Variants in ZNF143 observed in about 807,000 individuals in gnomAD.
ZNF143 encodes zinc finger protein 143, also known as SPH-binding factor.
ZNF143 carries 49 observed loss-of-function variants against 74.1 expected under a neutral mutation model. The ratio of observed to expected loss-of-function variants is 0.66; its 90% confidence interval spans 0.53 to 0.84. The LOEUF (loss-of-function observed/expected upper bound fraction) is 0.84. ZNF143 is among the 40% of genes least tolerant of loss of function. The probability of loss-of-function intolerance (pLI) is 0.00; values close to 1 mark genes in which losing one functional copy is unlikely to be tolerated. For missense variants in ZNF143, 637 were observed against 793.4 expected (o/e 0.80, Z 2.37); for synonymous variants, 304 against 282.8 (o/e 1.07, Z -0.75).
In ZNF143 at chr11:9,508,740, G is replaced by A. The variant is rs1300519170; in HGVS notation, c.1269G>A (p.Gly423=). Residue 423 remains glycine, a synonymous_variant, in exon 12 of 16, where the codon GGG becomes GGA. Coordinates refer to ENST00000396602, the MANE Select transcript of ZNF143 (RefSeq NM_003442.6). ...AACCTTACAACTGTAACCACTGTGG[G>A]AAGACATACAAGCAGATCTCCACGC... ...HSKPYNCNHC[G]KTYKQISTLA... is the part of the protein sequence containing the mutation. 1 of 1,613,840 alleles carries A rather than the reference G, an allele frequency of 6.2e-7. No homozygotes were observed. The highest frequency in any genetic ancestry group is 1.7e-5 in the Admixed American group (1 of 59,974).
At chr11:9,479,300 C>T (rs1419406689) in intron 6 of ZNF143, among the ~76,000 whole-genome samples, 172 bp from the exon 7 acceptor site, 1 of 152,078 alleles carries the variant, frequency 6.6e-6, no homozygotes, top group African/African-American at 2.4e-5. Context: ...CCACCATGCC[C>T]AGCCTATTAT....
Position 9,467,018 on chromosome 11 carries a change from G to T in ZNF143, c.-7-4284G>T, listed in dbSNP as rs371691864. The stretch of plus-strand genomic sequence containing the variant: ...ACGCCATTCTCCTGCCTCAGCCTCC[G>T]GAGTAGCTGGGACTACAGGTGCATG... On this transcript the variant is annotated intron_variant, in intron 1 of 15. Coordinates refer to ENST00000396602, the MANE Select transcript of ZNF143 (RefSeq NM_003442.6). 2.6e-3 allele frequency among the ~76,000 whole-genome samples: 395 copies of T among 149,672 alleles called. 1 individual carries two copies. The highest frequency in any genetic ancestry group is 9.4e-3 in the African/African-American group (381 of 40,706).
rs188056989 is a variant in ZNF143, at chr11:9,510,488, A to G, written c.1375+1642A>G. Among the ~76,000 whole-genome samples the G allele has an allele frequency of 8.6e-4, 131 of 152,280 alleles. 3 individuals carry two copies. The East Asian group carries it at 0.02, about 23-fold the overall frequency. ...TAATATACATTTTATTTAAAAACAA[A>G]ACTAAACTAAGATTGTTTTTCCAAG... On this transcript the variant is annotated intron_variant, in intron 12 of 15. Coordinates refer to ENST00000396602, the MANE Select transcript of ZNF143 (RefSeq NM_003442.6).
At chr11:9,468,365 T>G (rs892746941) in intron 1 of ZNF143, among the ~76,000 whole-genome samples, 1 of 152,256 alleles carries the variant, frequency 6.6e-6, no homozygotes, top group Non-Finnish European at 1.5e-5. Flanking sequence ...ACAGGTATTT[T>G]TAGCTTTAAG....
At chr11:9,511,989 G>T (rs11042400) in intron 12 of ZNF143, among the ~76,000 whole-genome samples, 16,609 of 150,352 alleles carry the variant, frequency 0.11, 1,130 homozygotes, top group Non-Finnish European at 0.15. Flanking sequence ...CTGACCTCGT[G>T]ATCCACCCAC....
At position 9,516,375 on chromosome 11, in the gene ZNF143, T is replaced by C. The variant is rs770066454; in HGVS notation, c.1686+13T>C. 1.9e-6 allele frequency: 3 copies of C among 1,597,724 alleles called. No individual in the cohort carries two copies. The Admixed American group carries it at 5.2e-5, about 27-fold the overall frequency. On this transcript the variant is annotated intron_variant, in intron 14 of 15. Coordinates refer to ENST00000396602, the MANE Select transcript of ZNF143 (RefSeq NM_003442.6). ...AGAAGGGGAACAGGTAATTACTTTT[T>C]TCTGTTATGTCAATCAATACATATA... is the stretch of plus-strand genomic sequence containing the variant.
chr11:9,487,594 T>A (rs1417387237), intron 7 of ZNF143, among the ~76,000 whole-genome samples: 1 of 151,878 alleles, frequency 6.6e-6, no homozygotes, highest in African/African-American at 2.4e-5. Flanking sequence ...CCTGACCTCA[T>A]GATCCGCCTG....
At chr11:9,477,323 C>T (rs1221687506) in intron 5 of ZNF143, among the ~76,000 whole-genome samples, 1 of 151,196 alleles carries the variant, frequency 6.6e-6, no homozygotes, top group Non-Finnish European at 1.5e-5. Context: ...GGTGCAATCT[C>T]GGCTCACTGC....
intron 14 of ZNF143, among the ~76,000 whole-genome samples, chr11:9,520,025 A>ATTTTTTTTTTTTTTTTTTTT (rs954404348): frequency 3.3e-5 from 3 of 91,382 alleles, no homozygotes; most frequent in East Asian, 3.2e-4. Flanking sequence ...GTTTCCACCA[A>ATTTTTTTTTTTTTTTTTTTT]TTTTTTTTTT....
At chr11:9,516,581 G>C (rs1848731320) in intron 14 of ZNF143, among the ~76,000 whole-genome samples, 1 of 152,102 alleles carries the variant, frequency 6.6e-6, no homozygotes, top group Non-Finnish European at 1.5e-5. Context: ...GATTGAATGA[G>C]ATAATGTATA....
rs150284799 is a variant in ZNF143 at position 9,515,300 on chromosome 11, G to C, written c.1525-901G>C. ...TGGATTCTCGTAGAAATTCAGATGG[G>C]AGAAAAATAAGGATCTAAATTAGCA... On this transcript the variant is annotated intron_variant, in intron 13 of 15. Coordinates refer to ENST00000396602, the MANE Select transcript of ZNF143 (RefSeq NM_003442.6). Among the ~76,000 whole-genome samples, 35 of 152,184 alleles carry C rather than the reference G, an allele frequency of 2.3e-4. No homozygotes were observed. In the East Asian group the frequency reaches 5.6e-3, roughly 24 times the overall value.
At chr11:9,486,343 ATATATATAT>A (rs1565038421) in intron 7 of ZNF143, among the ~76,000 whole-genome samples, 12 of 76,532 alleles carry the variant, frequency 1.6e-4, no homozygotes, top group Non-Finnish European at 3.0e-4. Context: ...TAATTATATT[ATATATATAT>A]TATATATATA....
chr11:9,524,935 G>A (rs1457429451), intron 14 of ZNF143, among the ~76,000 whole-genome samples: 6 of 152,160 alleles, frequency 3.9e-5, no homozygotes, highest in African/African-American at 1.4e-4. Context: ...AACTTCCCAA[G>A]CAGTCACTTA....
intron 14 of ZNF143, 106 bp from the exon 15 acceptor site, chr11:9,525,134 T>A: frequency 7.5e-7 from 1 of 1,341,552 alleles, no homozygotes; most frequent in Non-Finnish European, 1.0e-6. Context: ...GTCAGAGGAG[T>A]TTTTCCTTTT....
intron 12 of ZNF143, among the ~76,000 whole-genome samples, chr11:9,511,649 A>G (rs965161622): frequency 6.6e-6 from 1 of 151,314 alleles, no homozygotes; most frequent in Non-Finnish European, 1.5e-5. Context: ...TGTTGGTCAG[A>G]CTGGTCGCGA....
intron 1 of ZNF143, among the ~76,000 whole-genome samples, chr11:9,462,436 T>G (rs754726714): frequency 1.3e-5 from 2 of 152,042 alleles, no homozygotes; most frequent in Admixed American, 6.6e-5. Flanking sequence ...AATCAGCGTG[T>G]GCCTGTAGTC....
intron 3 of ZNF143, 114 bp from the exon 4 acceptor site, chr11:9,473,827 A>G (rs758498552): frequency 6.3e-7 from 1 of 1,596,276 alleles, no homozygotes; most frequent in Admixed American, 1.7e-5. Context: ...GGAAGAATCA[A>G]GATGAACACG....
rs1157039384 is a variant in ZNF143, at chr11:9,504,861, G to A, written c.1147+3591G>A. On this transcript the variant is annotated intron_variant, in intron 11 of 15. Coordinates refer to ENST00000396602, the MANE Select transcript of ZNF143 (RefSeq NM_003442.6). ...AGCTAATTTTTATACTTTTAATAGAGACGGGATTTCACCATGTTGGCCATG... is the reference window on the plus strand; with the variant it reads ...AGCTAATTTTTATACTTTTAATAGAAACGGGATTTCACCATGTTGGCCATG... Among the ~76,000 whole-genome samples, 2 of 118,500 alleles carry A rather than the reference G, an allele frequency of 1.7e-5. 1 individual carries two copies. The highest frequency in any genetic ancestry group is 4.0e-5 in the Non-Finnish European group (2 of 50,352). The allele number at this position is 118,500 out of a possible 152,430, so 77.7% of individuals were successfully genotyped here. A position where few individuals can be genotyped will look rare whatever the true frequency, so the allele number is the denominator to read the frequency against.
At chr11:9,490,472 G>C (rs1210606526) in intron 7 of ZNF143, among the ~76,000 whole-genome samples, 1 of 151,186 alleles carries the variant, frequency 6.6e-6, no homozygotes, top group African/African-American at 2.4e-5. Context: ...TTTTTGTAGA[G>C]ATGGGGTTTT....
Sources: gnomAD v4.1 joint callset for allele counts (sites outside exome capture counted in the v4.1 genomes callset) on GRCh38, gnomAD v4.1.1 for gene constraint, MANE v1.5 for transcripts, NCBI Gene and HGNC (gene_info 2026-07-23, HGNC 2026-07-21) for gene names.